Variants in CCSER1 observed in about 807,000 individuals in gnomAD.
CCSER1 encodes coiled-coil serine rich protein 1, also known as serine-rich coiled-coil domain-containing protein 1.
CCSER1 carries 41 observed loss-of-function variants against 82.0 expected under a neutral mutation model. That is an observed-to-expected ratio of 0.50 (90% confidence interval 0.39 to 0.65). The LOEUF (loss-of-function observed/expected upper bound fraction) is 0.65, where lower values mean the gene tolerates loss of function less well. CCSER1 is among the 30% of genes least tolerant of loss of function. The pLI, the probability that CCSER1 is intolerant of heterozygous loss-of-function variation, is 0.00. For missense variants in CCSER1, 1,119 were observed against 1,064.2 expected (o/e 1.05, Z -0.72); for synonymous variants, 414 against 383.9 (o/e 1.08, Z -0.92).
chr4:91,308,393 G>A (rs541451975), intron 10 of CCSER1, among the ~76,000 whole-genome samples: 8 of 152,072 alleles, frequency 5.3e-5, no homozygotes, highest in South Asian at 4.1e-4. Context: ...AAGTGGAAGC[G>A]TTTGGTGTTA....
At chr4:90,517,696 A>C (rs1241651204) in intron 5 of CCSER1, among the ~76,000 whole-genome samples, 1 of 152,156 alleles carries the variant, frequency 6.6e-6, no homozygotes, top group Non-Finnish European at 1.5e-5. Flanking sequence ...ACTAGAAAGA[A>C]GAAACGACTA....
At chr4:91,176,831 C>A (rs1374038248) in intron 10 of CCSER1, among the ~76,000 whole-genome samples, 2 of 152,128 alleles carry the variant, frequency 1.3e-5, no homozygotes, top group African/African-American at 2.4e-5. Context: ...TGCCTGATTG[C>A]CCTGGCCAGA....
intron 3 of CCSER1, among the ~76,000 whole-genome samples, chr4:90,328,243 T>C (rs987692987): frequency 2.6e-5 from 4 of 152,164 alleles, no homozygotes; most frequent in African/African-American, 9.7e-5. Flanking sequence ...ATTATTTCCA[T>C]AGGGAGAATA....
At chr4:91,564,251 T>G (rs1159190816) in intron 10 of CCSER1, among the ~76,000 whole-genome samples, 1 of 151,998 alleles carries the variant, frequency 6.6e-6, no homozygotes, top group East Asian at 1.9e-4. Flanking sequence ...GACATAGTAT[T>G]CCATGGTGTA....
At chr4:90,191,722 A>G (rs1394569287) in intron 1 of CCSER1, among the ~76,000 whole-genome samples, 1 of 152,084 alleles carries the variant, frequency 6.6e-6, no homozygotes, top group Non-Finnish European at 1.5e-5. Context: ...ATGGTTTCCT[A>G]TGGAAAGTAG....
chr4:90,705,383 A>C (rs1000087762), intron 6 of CCSER1, among the ~76,000 whole-genome samples: 1 of 152,124 alleles, frequency 6.6e-6, no homozygotes, highest in African/African-American at 2.4e-5. Flanking sequence ...GTCTCCCCCT[A>C]CTGGGGGTTG....
At chr4:90,363,133 T>G (rs1340395667) in intron 3 of CCSER1, among the ~76,000 whole-genome samples, 4 of 152,148 alleles carry the variant, frequency 2.6e-5, no homozygotes, top group Non-Finnish European at 5.9e-5. Context: ...ATGGCAAAGC[T>G]GAGACAAATA....
At chr4:90,456,935 C>T (rs958912972) in intron 4 of CCSER1, among the ~76,000 whole-genome samples, 6 of 152,198 alleles carry the variant, frequency 3.9e-5, no homozygotes, top group African/African-American at 1.2e-4. Flanking sequence ...CTCAGGACCA[C>T]TGGACTTGAT....
intron 9 of CCSER1, among the ~76,000 whole-genome samples, chr4:91,080,467 A>G (rs1722584641): frequency 6.6e-6 from 1 of 152,232 alleles, no homozygotes. Flanking sequence ...AGAAAGCAGG[A>G]GAGATTTAAA....
chr4:91,509,815 A>T (rs1220301670), intron 10 of CCSER1, among the ~76,000 whole-genome samples: 2 of 152,162 alleles, frequency 1.3e-5, no homozygotes, highest in East Asian at 3.9e-4. Flanking sequence ...GATGATAGAT[A>T]TAGATACAGA....
chr4:90,277,792 C>A (rs915449921), intron 1 of CCSER1, among the ~76,000 whole-genome samples: 1 of 151,966 alleles, frequency 6.6e-6, no homozygotes, highest in Non-Finnish European at 1.5e-5. Context: ...TGACTAAGTC[C>A]TCAAAAGGCA....
At chr4:91,140,174 G>A (rs1728891202) in intron 10 of CCSER1, among the ~76,000 whole-genome samples, 1 of 151,826 alleles carries the variant, frequency 6.6e-6, no homozygotes, top group Non-Finnish European at 1.5e-5. Flanking sequence ...ATATATATTA[G>A]AAAAATTGTT....
At chr4:91,327,915 G>A (rs1313872086) in intron 10 of CCSER1, among the ~76,000 whole-genome samples, 1 of 152,128 alleles carries the variant, frequency 6.6e-6, no homozygotes, top group Non-Finnish European at 1.5e-5. Context: ...CTTTGCTAAA[G>A]CATAACAAGA....
At chr4:90,776,386 A>G (rs1752894955) in intron 7 of CCSER1, among the ~76,000 whole-genome samples, 1 of 152,170 alleles carries the variant, frequency 6.6e-6, no homozygotes, top group Admixed American at 6.5e-5. Context: ...TATCTCAAAG[A>G]TAATAGAAGA....
chr4:91,520,076 CTT>C (rs1290010790), intron 10 of CCSER1, among the ~76,000 whole-genome samples: 3 of 152,086 alleles, frequency 2.0e-5, no homozygotes, highest in African/African-American at 7.2e-5. Flanking sequence ...TGTTTTATGT[CTT>C]TTCTGTTCCT....
At position 91,152,496 on chromosome 4, in the gene CCSER1, T is replaced by A. The variant is rs1200351682; in HGVS notation, c.2217+66502T>A. On this transcript the variant is annotated intron_variant, in intron 10 of 10. Coordinates refer to ENST00000509176, the MANE Select transcript of CCSER1 (RefSeq NM_001145065.2). ...CTCTTTGCCAGTCTGTATCTTTTAA[T>A]TGGAGCATTCAGCCCATTTACATTT... Among the ~76,000 whole-genome samples, 4 of 152,220 alleles carry A rather than the reference T, an allele frequency of 2.6e-5. No individual in the cohort carries two copies. The East Asian group carries it at 7.7e-4, about 29-fold the overall frequency.
intron 10 of CCSER1, among the ~76,000 whole-genome samples, chr4:91,424,297 G>A (rs1020269070): frequency 6.6e-6 from 1 of 151,910 alleles, no homozygotes; most frequent in African/African-American, 2.4e-5. Flanking sequence ...GATTACAGGC[G>A]TGAGCCACCG....
At chr4:90,254,248 G>C (rs1199427894) in intron 1 of CCSER1, among the ~76,000 whole-genome samples, 4 of 152,164 alleles carry the variant, frequency 2.6e-5, no homozygotes, top group Admixed American at 2.0e-4. Context: ...TAGAGCATTA[G>C]TTCCTTCTGG....
intron 1 of CCSER1, among the ~76,000 whole-genome samples, chr4:90,158,665 G>A (rs1025722794): frequency 6.6e-5 from 10 of 152,208 alleles, no homozygotes; most frequent in Non-Finnish European, 1.2e-4. Flanking sequence ...CTCCGTGGGC[G>A]TAGGACCCTC....
Sources: allele counts gnomAD v4.1 joint callset (sites outside exome capture counted in the v4.1 genomes callset), GRCh38; gene constraint gnomAD v4.1.1; transcripts MANE v1.5; gene names NCBI Gene and HGNC (gene_info 2026-07-23, HGNC 2026-07-21).